The following CYP51A1 variants were observed in gnomAD, a reference collection of about 807,000 sequenced individuals.
CYP51A1 encodes lanosterol 14-alpha demethylase.
A neutral mutation model predicts 53.5 loss-of-function variants in CYP51A1; 45 were observed. The ratio of observed to expected loss-of-function variants is 0.84; its 90% CI spans 0.66 to 1.08. The LOEUF is 1.08. Among genes scored for constraint, CYP51A1 ranks in the 50% least tolerant of loss-of-function variants. CYP51A1 has a pLI of 0.00. For synonymous variants in CYP51A1, 181 were observed against 217.7 expected, an observed-to-expected ratio of 0.83 and a Z score of 1.48; for missense variants, 462 against 621.7, an observed-to-expected ratio of 0.74 and a Z score of 2.73.
Position 92,127,561 on chromosome 7 carries a change from A to T in CYP51A1, c.539T>A (p.Ile180Lys). The stretch of plus-strand genomic sequence containing the variant: ...GTATTCCTTTGTTTCTTTTTCAATT[A>T]TAGAAACATGCTGTTTAAAGTGGGC... ...NIAHFKQHVSIIEKETKEYFE... is the reference protein window; with the variant it reads ...NIAHFKQHVSKIEKETKEYFE... Residue 180 changes from isoleucine to lysine, a missense_variant, in exon 4 of 10, where the codon ATA becomes AAA. Physicochemically the swap from Ile to Lys is moderately radical, Grantham distance 102. Coordinates refer to ENST00000003100, the MANE Select transcript of CYP51A1 (RefSeq NM_000786.4). 3.7e-6 allele frequency: 6 copies of T among 1,612,366 alleles called. No homozygotes were observed. Among genetic ancestry groups the T allele is most frequent in the Non-Finnish European group, 5.1e-6 (6 of 1,179,262 alleles).
In CYP51A1 at chr7:92,126,181, G is replaced by C. The variant is rs912166912; in HGVS notation, c.770+72C>G. ...CTTGTTTAATTTTTATCTTTGTTAA[G>C]GCAAAGCATACCAACACTACAATAA... On this transcript the variant is annotated intron_variant, in intron 5 of 9. Coordinates refer to ENST00000003100, the MANE Select transcript of CYP51A1 (RefSeq NM_000786.4). 3 of 1,065,438 alleles carry C rather than the reference G, an allele frequency of 2.8e-6. No homozygotes were observed. The African/African-American group carries it at 4.9e-5, about 17-fold the overall frequency. The allele number at this position is 1,065,438 out of a possible 1,614,324, so 66.0% of individuals were successfully genotyped here. A position where few individuals can be genotyped will look rare whatever the true frequency, so the allele number is the denominator to read the frequency against.
chr7:92,117,300 C>T, intron 8 of CYP51A1, 88 bp from the exon 9 acceptor site: 1 of 1,136,460 alleles, frequency 8.8e-7, no homozygotes, highest in Non-Finnish European at 1.3e-6. Flanking sequence ...CATGAATATA[C>T]ATGGGATACT....
intron 4 of CYP51A1, 124 bp downstream of exon 4, chr7:92,127,381 A>G (rs1819820817): frequency 1.3e-5 from 11 of 865,730 alleles, no homozygotes; most frequent in Non-Finnish European, 1.7e-5. Flanking sequence ...TAACCCTCCC[A>G]TAAATCTAAG....
chr7:92,133,081 T>C (rs1290388690), intron 1 of CYP51A1, among the ~76,000 whole-genome samples: 2 of 152,176 alleles, frequency 1.3e-5, no homozygotes, highest in Admixed American at 6.5e-5. Flanking sequence ...TTCTTATGCC[T>C]GGTATGGTTC....
At chr7:92,128,662 T>G (rs1046618223) in intron 3 of CYP51A1, among the ~76,000 whole-genome samples, 1 of 152,108 alleles carries the variant, frequency 6.6e-6, no homozygotes, top group African/African-American at 2.4e-5. Flanking sequence ...CTAATTTTTG[T>G]ATTTTTAGTA....
chr7:92,124,648 GAGA>G (rs1486332677), intron 5 of CYP51A1, among the ~76,000 whole-genome samples: 1 of 152,220 alleles, frequency 6.6e-6, no homozygotes, highest in Admixed American at 6.5e-5. Flanking sequence ...GTGTACAGAA[GAGA>G]AGATGTTGGG....
chr7:92,118,884 T>TA (rs1819630848), intron 7 of CYP51A1, among the ~76,000 whole-genome samples: 1 of 152,214 alleles, frequency 6.6e-6, no homozygotes, highest in Non-Finnish European at 1.5e-5. Flanking sequence ...GCAACAATCT[T>TA]AATGTCAACT....
intron 1 of CYP51A1, among the ~76,000 whole-genome samples, chr7:92,133,211 G>T (rs1819959780): frequency 6.6e-6 from 1 of 152,120 alleles, no homozygotes; most frequent in Non-Finnish European, 1.5e-5. Flanking sequence ...AATAACATTT[G>T]GGAGATTGAA....
At chr7:92,124,126 A>AAGG (rs1329668106) in intron 5 of CYP51A1, among the ~76,000 whole-genome samples, 1 of 152,152 alleles carries the variant, frequency 6.6e-6, no homozygotes, top group Non-Finnish European at 1.5e-5. Flanking sequence ...GTTCAAACTA[A>AAGG]AGGCCTAAAA....
chr7:92,127,781 G>C, intron 3 of CYP51A1, 150 bp from the exon 4 acceptor site: 1 of 724,980 alleles, frequency 1.4e-6, no homozygotes, highest in Non-Finnish European at 2.3e-6. Flanking sequence ...TAAATGAATA[G>C]ATCTATCTGA....
rs958594335 is a variant in CYP51A1, at chr7:92,123,263, G to A, written c.943C>T (p.Leu315Phe). ...GAGGATGTATGCTGCCCTGCCAAGA[G>A]TAATCCAATAAGCATCCCTGCTACT... ...DEVAGMLIGL[L>F]LAGQHTSSTT... The change falls in exon 7 of 10, where the codon CTC becomes TTC. Residue 315 changes from leucine to phenylalanine, a missense_variant. Physicochemically the swap from Leu to Phe is conservative, Grantham distance 22. Coordinates refer to ENST00000003100, the MANE Select transcript of CYP51A1 (RefSeq NM_000786.4). 1.9e-6 allele frequency: 3 copies of A among 1,614,096 alleles called. No homozygotes were observed.
chr7:92,122,708 T>C (rs1819715760), intron 7 of CYP51A1, among the ~76,000 whole-genome samples: 1 of 152,200 alleles, frequency 6.6e-6, no homozygotes, highest in Non-Finnish European at 1.5e-5. Context: ...AAATGTCTTG[T>C]CCTCATTACT....
At chr7:92,124,174 A>G (rs938362512) in intron 5 of CYP51A1, among the ~76,000 whole-genome samples, 15 of 152,250 alleles carry the variant, frequency 9.9e-5, no homozygotes, top group Admixed American at 6.5e-5. Flanking sequence ...TTCCAGTTCA[A>G]CAGAAAGTAG....
chr7:92,118,224 G>T (rs750867499), intron 8 of CYP51A1, among the ~76,000 whole-genome samples: 4 of 151,924 alleles, frequency 2.6e-5, no homozygotes, highest in African/African-American at 4.8e-5. Flanking sequence ...CGTGATCATG[G>T]ATTACTGCAG....
Position 92,126,282 on chromosome 7 carries a change from TAAGAG to T in CYP51A1, c.736_740del (p.Leu246ThrfsTer8), listed in dbSNP as rs1396952489. The T allele has an allele frequency of 6.2e-7, 1 of 1,607,076 alleles. No homozygotes were observed. The highest frequency in any genetic ancestry group is 8.5e-7 in the Non-Finnish European group (1 of 1,178,494). On this transcript the variant is annotated frameshift_variant, in exon 5 of 10. Transcript: ENST00000003100. LOFTEE classifies it high-confidence loss of function. ...AACTAGGCAAAGGCAGCCAACCTGG[TAAGAG>T]CCAGGCTGCATGGCTGAAACCTCCA... is the stretch of plus-strand genomic sequence containing the variant.
chr7:92,121,353 G>T (rs1819690119), intron 7 of CYP51A1, among the ~76,000 whole-genome samples: 1 of 152,138 alleles, frequency 6.6e-6, no homozygotes, highest in South Asian at 2.1e-4. Context: ...TGGTGAGGGG[G>T]TGAAGTCAGG....
intron 2 of CYP51A1, 82 bp downstream of exon 2, chr7:92,131,692 T>C (rs1213813846): frequency 2.8e-6 from 2 of 724,102 alleles, no homozygotes; most frequent in Non-Finnish European, 4.6e-6. Context: ...TTTTTAAATG[T>C]TCTGCCACTT....
At chr7:92,121,056 A>G (rs1041518015) in intron 7 of CYP51A1, among the ~76,000 whole-genome samples, 7 of 152,044 alleles carry the variant, frequency 4.6e-5, no homozygotes, top group Non-Finnish European at 8.8e-5. Flanking sequence ...TTGGGAGGCC[A>G]AGGCGGGCAG....
intron 5 of CYP51A1, 22 bp downstream of exon 5, chr7:92,126,231 G>A: frequency 2.6e-6 from 4 of 1,540,040 alleles, no homozygotes; most frequent in South Asian, 1.2e-5. Context: ...ATAACCTAGT[G>A]TAATATATTC....
Sources: allele counts gnomAD v4.1 joint callset (sites outside exome capture counted in the v4.1 genomes callset), GRCh38; gene constraint gnomAD v4.1.1; transcripts MANE v1.5; gene names NCBI Gene and HGNC (gene_info 2026-07-23, HGNC 2026-07-21).